Variants in RBL2 observed in about 807,000 individuals in gnomAD.
The protein encoded by RBL2 is retinoblastoma-like protein 2.
In RBL2, 56 loss-of-function variants were observed where a neutral mutation model predicts 126.0. The ratio of observed to expected loss-of-function variants is 0.44; its 90% CI spans 0.36 to 0.56. The LOEUF is 0.56. Among genes scored for constraint, RBL2 ranks in the 20% least tolerant of loss-of-function variants. The pLI, the probability that RBL2 is intolerant of heterozygous loss-of-function variation, is 0.00. For synonymous variants in RBL2, 454 were observed against 478.5 expected, an observed-to-expected ratio of 0.95 and a Z score of 0.67; for missense variants, 1,229 against 1,398.2, an observed-to-expected ratio of 0.88 and a Z score of 1.93.
intron 8 of RBL2, among the ~76,000 whole-genome samples, chr16:53,457,237 C>CA (rs1444557283): frequency 7.7e-6 from 1 of 129,644 alleles, no homozygotes; most frequent in African/African-American, 3.0e-5. Context: ...GTCCTGGGGT[C>CA]ATCAGGGTGG....
chr16:53,485,151 T>G (rs527791514), intron 21 of RBL2, among the ~76,000 whole-genome samples: 1 of 152,294 alleles, frequency 6.6e-6, no homozygotes, highest in African/African-American at 2.4e-5. Context: ...GAGAGAACAT[T>G]TACCAACATA....
At chr16:53,471,569 A>T (rs1457656693) in intron 17 of RBL2, among the ~76,000 whole-genome samples, 1 of 152,004 alleles carries the variant, frequency 6.6e-6, no homozygotes, top group Non-Finnish European at 1.5e-5. Context: ...CCCAGGTTCA[A>T]GCGATTCTCC....
chr16:53,441,307 C>T (rs2058013680), intron 2 of RBL2, among the ~76,000 whole-genome samples: 1 of 152,074 alleles, frequency 6.6e-6, no homozygotes, highest in Non-Finnish European at 1.5e-5. Context: ...AAAATTGACA[C>T]AACTACTTTA....
At position 53,447,068 on chromosome 16, in the gene RBL2, T is replaced by C. The variant is rs866524656; in HGVS notation, c.599T>C (p.Ile200Thr). 6.3e-7 allele frequency: 1 copy of C among 1,595,272 alleles called. No individual in the cohort carries two copies. The highest frequency in any genetic ancestry group is 8.5e-7 in the Non-Finnish European group (1 of 1,170,478). The part of the protein sequence containing the change: ...QRRQPCTVSE[I>T]FHFCWVLFIY... Reference sequence around the variant, plus strand: ...CGACAGCCCTGTACTGTGTCTGAAATTTTCCATTTTTGTTGGGTGCTTTTT... The same window carrying C: ...CGACAGCCCTGTACTGTGTCTGAAACTTTCCATTTTTGTTGGGTGCTTTTT... Residue 200 changes from isoleucine (I) to threonine (T), a missense_variant, in exon 4 of 22, where the codon ATT (isoleucine) becomes ACT (threonine). By Grantham distance (89) the Ile-to-Thr change is moderately conservative. Transcript: ENST00000262133.
intron 1 of RBL2, among the ~76,000 whole-genome samples, chr16:53,438,399 A>G (rs1350375825): frequency 6.6e-6 from 1 of 152,210 alleles, no homozygotes; most frequent in Non-Finnish European, 1.5e-5. Context: ...GCCTTGTATA[A>G]TCTTTTAGAA....
intron 4 of RBL2, among the ~76,000 whole-genome samples, chr16:53,450,438 T>G (rs1171698875): frequency 6.6e-6 from 1 of 152,184 alleles, no homozygotes; most frequent in Non-Finnish European, 1.5e-5. Flanking sequence ...GTTAGCTATT[T>G]AAATTGAATT....
chr16:53,434,968 C>G (rs998328931), intron 1 of RBL2, among the ~76,000 whole-genome samples, 172 bp downstream of exon 1: 2 of 152,156 alleles, frequency 1.3e-5, no homozygotes, highest in Non-Finnish European at 2.9e-5. Context: ...CGAGGGCTAA[C>G]CCGCTCTCGC....
At chr16:53,463,603 T>C (rs1193324530) in intron 11 of RBL2, among the ~76,000 whole-genome samples, 1 of 144,862 alleles carries the variant, frequency 6.9e-6, no homozygotes, top group Non-Finnish European at 1.5e-5. Context: ...AGTTTCGCTC[T>C]TGTTGCTCAG....
chr16:53,447,544 A>G (rs763022070), intron 4 of RBL2, among the ~76,000 whole-genome samples: 5 of 151,844 alleles, frequency 3.3e-5, no homozygotes, highest in African/African-American at 4.8e-5. Context: ...TTTATATACT[A>G]TTTATTTTCT....
chr16:53,465,561 A>G lies in RBL2; in HGVS notation c.1822A>G (p.Lys608Glu). The G allele has an allele frequency of 6.3e-7, 1 of 1,598,816 alleles. No homozygotes were observed. Among genetic ancestry groups the G allele is most frequent in the East Asian group, 2.3e-5 (1 of 44,344 alleles). Residue 608 changes from lysine to glutamate, a missense_variant, in exon 13 of 22, where the codon AAA (lysine) becomes GAA (glutamate). Lys to Glu is a moderately conservative substitution (Grantham distance 56, BLOSUM62 1). Transcript: ENST00000262133. ...GAAACCAGAGTCTCCACTCTGGGAA[A>G]AAATTAGAGACAATGAAAACAGAGT... ...AWKPESPLWE[K>E]IRDNENRVPT...
intron 3 of RBL2, among the ~76,000 whole-genome samples, chr16:53,444,379 C>T (rs1268721539): frequency 1.3e-5 from 2 of 151,600 alleles, no homozygotes; most frequent in Non-Finnish European, 2.9e-5. Flanking sequence ...GTGGCGAAAC[C>T]CCGTCTCTAC....
chr16:53,469,312 T>A (rs919808239), intron 14 of RBL2, among the ~76,000 whole-genome samples: 1 of 152,230 alleles, frequency 6.6e-6, no homozygotes, highest in Non-Finnish European at 1.5e-5. Context: ...GTATATAAAC[T>A]GTTTTAAAAA....
rs1028932905 is a variant in RBL2 at position 53,467,047 on chromosome 16, A to G, written c.1864-11A>G. The G allele has an allele frequency of 8.7e-6, 14 of 1,606,220 alleles. No individual in the cohort carries two copies. The highest frequency in any genetic ancestry group is 3.4e-5 in the Admixed American group (2 of 59,076). On this transcript the variant is annotated splice_polypyrimidine_tract_variant and intron_variant, in intron 13 of 21. Transcript: ENST00000262133. ...TGGATACTGGCATTCTGTGTAACCAATTCTTCATAGGTCATGCCACCTCAG... is the reference window on the plus strand; with the variant it reads ...TGGATACTGGCATTCTGTGTAACCAGTTCTTCATAGGTCATGCCACCTCAG...
chr16:53,468,518 G>C (rs1023419430), intron 14 of RBL2, among the ~76,000 whole-genome samples: 8 of 152,122 alleles, frequency 5.3e-5, no homozygotes, highest in Non-Finnish European at 5.9e-5. Flanking sequence ...CTAATCTACA[G>C]ATTAGGAAGA....
At position 53,434,759 on chromosome 16, in the gene RBL2, A is replaced by T; in HGVS notation, c.203A>T (p.Asp68Val). ...MDEAARAEAW[D>V]SYRSMSESYT... is the part of the protein sequence containing the mutation. ...GAGGCGGCGCGGGCCGAGGCCTGGG[A>T]CAGCTACCGCAGCATGAGCGAAAGC... is the stretch of plus-strand genomic sequence containing the variant. The change falls in exon 1 of 22, where the codon GAC becomes GTC. Residue 68 changes from aspartate (D) to valine (V), a missense_variant. By Grantham distance (152) the Asp-to-Val change is radical. Coordinates refer to ENST00000262133, the MANE Select transcript of RBL2 (RefSeq NM_005611.4). 2.0e-6 allele frequency: 3 copies of T among 1,537,176 alleles called. No homozygotes were observed. Among genetic ancestry groups the T allele is most frequent in the Middle Eastern group, 1.8e-4 (1 of 5,642 alleles).
intron 4 of RBL2, 81 bp from the exon 5 acceptor site, chr16:53,451,622 T>C: frequency 6.8e-7 from 1 of 1,477,998 alleles, no homozygotes; most frequent in Non-Finnish European, 9.2e-7. Context: ...TGTAATGTCA[T>C]AATAAGTAAA....
At chr16:53,459,652 G>T in intron 9 of RBL2, 35 bp downstream of exon 9, 1 of 1,491,798 alleles carries the variant, frequency 6.7e-7, no homozygotes, top group Non-Finnish European at 8.9e-7. Flanking sequence ...CTAAGATTTG[G>T]TTATTGACCA....
At chr16:53,461,124 T>C (rs181327287) in intron 9 of RBL2, among the ~76,000 whole-genome samples, 7 of 152,290 alleles carry the variant, frequency 4.6e-5, no homozygotes, top group African/African-American at 1.7e-4. Context: ...TGACTGGGGA[T>C]GTGTAGGACA....
chr16:53,490,668 TCCTA>T lies in RBL2; in HGVS notation c.*372_*375del, dbSNP rs1961386083. On this transcript the variant is annotated 3_prime_UTR_variant, in exon 22 of 22. Transcript: ENST00000262133. ...CAGAAGAACTGTGTTTCAAGTTCAATCCTACCTGTTTTGTGGTCAGCTGTAGTCC... is the reference window on the plus strand; with the variant it reads ...CAGAAGAACTGTGTTTCAAGTTCAATCCTGTTTTGTGGTCAGCTGTAGTCC... The T allele has an allele frequency of 5.9e-6, 1 of 168,972 alleles. No individual in the cohort carries two copies. The highest frequency in any genetic ancestry group is 2.0e-4 in the South Asian group (1 of 4,972). 10.5% of individuals were successfully genotyped at this position (168,972 alleles called of 1,614,324 possible). A position where few individuals can be genotyped will look rare whatever the true frequency, so the allele number is the denominator to read the frequency against.
Sources: gnomAD v4.1 joint callset for allele counts (sites outside exome capture counted in the v4.1 genomes callset) on GRCh38, gnomAD v4.1.1 for gene constraint, MANE v1.5 for transcripts, NCBI Gene and HGNC (gene_info 2026-07-23, HGNC 2026-07-21) for gene names.